Variants in PCCA observed in about 807,000 individuals in gnomAD.
PCCA encodes the protein propionyl-CoA carboxylase alpha chain, mitochondrial.
Under a neutral mutation model 101.3 loss-of-function variants are expected in PCCA, and 74 were observed. The observed-to-expected ratio is 0.73, with a 90% confidence interval of 0.61 to 0.89. The LOEUF (loss-of-function observed/expected upper bound fraction) is 0.89, where lower values mean the gene tolerates loss of function less well. PCCA is among the 40% of genes least tolerant of loss of function. PCCA has a pLI of 0.00. For missense variants in PCCA, 891 were observed against 907.0 expected (o/e 0.98, Z 0.23); for synonymous variants, 294 against 313.6 (o/e 0.94, Z 0.66).
At chr13:100,132,689 A>G (rs2050670671) in intron 4 of PCCA, among the ~76,000 whole-genome samples, 1 of 152,206 alleles carries the variant, frequency 6.6e-6, no homozygotes, top group Admixed American at 6.5e-5. Flanking sequence ...TATGGTAAGT[A>G]TAAGAAACTG....
intron 19 of PCCA, among the ~76,000 whole-genome samples, chr13:100,413,309 T>C (rs565348671): frequency 1.3e-5 from 2 of 152,350 alleles, no homozygotes; most frequent in South Asian, 4.1e-4. Flanking sequence ...GGACGTCTTA[T>C]AGTCCACTTA....
intron 21 of PCCA, chr13:100,490,768 A>G (rs1217040910): frequency 6.6e-6 from 1 of 152,226 alleles, no homozygotes; most frequent in Non-Finnish European, 1.5e-5. Context: ...ATGTTTGGAC[A>G]GTGTTGGATT....
intron 21 of PCCA, among the ~76,000 whole-genome samples, chr13:100,467,609 A>G (rs780706480): frequency 6.6e-6 from 1 of 152,156 alleles, no homozygotes; most frequent in Non-Finnish European, 1.5e-5. Context: ...TGACCTCATG[A>G]TCCACCCGCC....
chr13:100,186,135 T>A (rs1432234647), intron 6 of PCCA, among the ~76,000 whole-genome samples: 1 of 152,260 alleles, frequency 6.6e-6, no homozygotes, highest in African/African-American at 2.4e-5. Flanking sequence ...TGGTTCATCA[T>A]TGAATTAGGC....
At chr13:100,320,177 G>T (rs1478257084) in intron 16 of PCCA, among the ~76,000 whole-genome samples, 1 of 152,176 alleles carries the variant, frequency 6.6e-6, no homozygotes, top group East Asian at 1.9e-4. Flanking sequence ...CATTGATTTT[G>T]TATCCTGAGA....
intron 10 of PCCA, 40 bp from the exon 11 acceptor site, chr13:100,268,649 G>T (rs1297579326): frequency 7.3e-7 from 1 of 1,370,832 alleles, no homozygotes; most frequent in African/African-American, 1.4e-5. Flanking sequence ...TACTTTGTGG[G>T]TGTGGTTATA....
Position 100,112,022 on chromosome 13 carries a change from T to C in PCCA, c.261T>C (p.Ile87=). The change falls in exon 4 of 24, where the codon ATT becomes ATC. Residue 87 remains isoleucine, a synonymous_variant. Coordinates refer to ENST00000376285, the MANE Select transcript of PCCA (RefSeq NM_000282.4). ...TTAGAACTTGCAAGAAGATGGGCAT[T>C]AAGACAGTTGCCATCCACAGTGATG... is the stretch of plus-strand genomic sequence containing the variant. The part of the protein sequence containing the change: ...RVIRTCKKMG[I]KTVAIHSDVD... 1 of 1,610,868 alleles carries C rather than the reference T, an allele frequency of 6.2e-7. No homozygotes were observed. Among genetic ancestry groups the C allele is most frequent in the Non-Finnish European group, 8.5e-7 (1 of 1,178,490 alleles).
chr13:100,340,391 TAAA>T (rs2071121772), intron 18 of PCCA, 132 bp downstream of exon 18: 2 of 694,164 alleles, frequency 2.9e-6, no homozygotes, highest in Non-Finnish European at 5.2e-6. Context: ...AGAAGTATAA[TAAA>T]GTCACACTGT....
intron 19 of PCCA, among the ~76,000 whole-genome samples, chr13:100,389,487 G>A (rs187580624): frequency 6.6e-6 from 1 of 152,102 alleles, no homozygotes; most frequent in Non-Finnish European, 1.5e-5. Flanking sequence ...CCTACCAAAG[G>A]GTGGAGGGAG....
At chr13:100,205,583 A>C (rs1259605555) in intron 6 of PCCA, among the ~76,000 whole-genome samples, 2 of 129,554 alleles carry the variant, frequency 1.5e-5, no homozygotes, top group African/African-American at 3.0e-5. Flanking sequence ...TGGGTGAGTA[A>C]TTTTCCTCAA....
At chr13:100,445,115 A>T (rs2080727565) in intron 20 of PCCA, among the ~76,000 whole-genome samples, 1 of 152,136 alleles carries the variant, frequency 6.6e-6, no homozygotes, top group Non-Finnish European at 1.5e-5. Context: ...TCACAGAGTG[A>T]GAGAGAAGGG....
intron 19 of PCCA, among the ~76,000 whole-genome samples, chr13:100,371,175 G>A (rs1219043554): frequency 2.0e-5 from 3 of 152,058 alleles, no homozygotes; most frequent in Non-Finnish European, 1.5e-5. Context: ...GATGCTGTGT[G>A]TCCTTTCTGT....
intron 18 of PCCA, among the ~76,000 whole-genome samples, chr13:100,361,372 G>T (rs769262414): frequency 6.6e-6 from 1 of 152,020 alleles, no homozygotes; most frequent in Non-Finnish European, 1.5e-5. Flanking sequence ...GAATTCATGT[G>T]GGGGAGGATG....
chr13:100,355,587 T>C (rs1469011316), intron 18 of PCCA, among the ~76,000 whole-genome samples: 1 of 152,118 alleles, frequency 6.6e-6, no homozygotes, highest in Non-Finnish European at 1.5e-5. Context: ...TATACAATAC[T>C]TAAATGTAAA....
intron 4 of PCCA, among the ~76,000 whole-genome samples, chr13:100,136,555 T>C (rs1460899191): frequency 6.6e-6 from 1 of 152,194 alleles, no homozygotes; most frequent in African/African-American, 2.4e-5. Flanking sequence ...AGGTTTTAAA[T>C]GACGTATTCA....
chr13:100,485,160 TAGAAG>T (rs2084274374), intron 21 of PCCA, among the ~76,000 whole-genome samples: 1 of 152,158 alleles, frequency 6.6e-6, no homozygotes, highest in Non-Finnish European at 1.5e-5. Flanking sequence ...TGAATGGGTG[TAGAAG>T]AGAAAAGCTG....
intron 16 of PCCA, among the ~76,000 whole-genome samples, chr13:100,313,635 C>T (rs1362993876): frequency 6.6e-6 from 1 of 152,132 alleles, no homozygotes; most frequent in South Asian, 2.1e-4. Flanking sequence ...CAGTCTGTTC[C>T]CCAGACAAGG....
At chr13:100,378,546 C>T (rs2076053509) in intron 19 of PCCA, among the ~76,000 whole-genome samples, 1 of 151,920 alleles carries the variant, frequency 6.6e-6, no homozygotes, top group African/African-American at 2.4e-5. Context: ...ATTTCTTTGC[C>T]TTTTGGGATA....
chr13:100,486,946 T>C (rs766218056), intron 21 of PCCA, among the ~76,000 whole-genome samples: 1 of 152,074 alleles, frequency 6.6e-6, no homozygotes, highest in Non-Finnish European at 1.5e-5. Context: ...CCCACAAACA[T>C]GAAAGGCTTA....
Sources: gnomAD v4.1 joint callset for allele counts (sites outside exome capture counted in the v4.1 genomes callset) on GRCh38, gnomAD v4.1.1 for gene constraint, MANE v1.5 for transcripts, NCBI Gene and HGNC (gene_info 2026-07-23, HGNC 2026-07-21) for gene names.